SYNE3: variants seen among roughly 807,000 people sequenced by gnomAD.
SYNE3 encodes spectrin repeat containing nuclear envelope family member 3.
SYNE3 carries 100 observed loss-of-function variants against 111.2 expected under a neutral mutation model. That is an observed-to-expected ratio of 0.90 (90% CI 0.77 to 1.06). The LOEUF is 1.06. Ranked by LOEUF, SYNE3 falls within the 50% of genes least tolerant of loss-of-function variation. The probability of loss-of-function intolerance (pLI) is 0.00; values close to 1 mark genes in which losing one functional copy is unlikely to be tolerated. For missense variants in SYNE3, 1,160 were observed against 1,240.3 expected (o/e 0.94, Z 0.97); for synonymous variants, 547 against 533.9 (o/e 1.02, Z -0.34).
chr14:95,429,801 G>T, intron 17 of SYNE3: 1 of 388,276 alleles, frequency 2.6e-6, no homozygotes, highest in Non-Finnish European at 3.5e-6. Flanking sequence ...CACAAGTGGT[G>T]TGACCTTCAG....
rs549378735 is a variant in SYNE3 at position 95,447,511 on chromosome 14, T to C, written c.1450-1420A>G. Among the ~76,000 whole-genome samples, 5 of 152,218 alleles carry C rather than the reference T, an allele frequency of 3.3e-5. No homozygotes were observed. The South Asian group carries it at 1.0e-3, about 32-fold the overall frequency. ...CAAGGCAGAGGTGGACACTCCTGGT[T>C]GGGGAAATCGAGTACTACTTTGAAG... On this transcript the variant is annotated intron_variant, in intron 8 of 17. Transcript: ENST00000682763.
intron 6 of SYNE3, among the ~76,000 whole-genome samples, chr14:95,452,937 A>G (rs1336193843): frequency 6.6e-6 from 1 of 152,132 alleles, no homozygotes; most frequent in Non-Finnish European, 1.5e-5. Context: ...GACTATTCCT[A>G]AGCTGCTTCA....
intron 1 of SYNE3, among the ~76,000 whole-genome samples, chr14:95,501,916 A>C (rs187950513): frequency 6.1e-4 from 92 of 151,960 alleles, no homozygotes; most frequent in Admixed American, 6.0e-3. Flanking sequence ...GTCTTCACAG[A>C]CTCTTGCGGG....
chr14:95,507,291 C>G (rs954770049), intron 1 of SYNE3, among the ~76,000 whole-genome samples: 10 of 152,230 alleles, frequency 6.6e-5, no homozygotes, highest in African/African-American at 2.2e-4. Flanking sequence ...TAGTTCGTGT[C>G]CACCTCAGCC....
rs1886244634 is a variant in SYNE3 at position 95,438,863 on chromosome 14, A to G, written c.2376+170T>C. ...CTGAGGTCCTCTGTGGAGTAGGATC[A>G]AATGCTCTTTGGCCACAGCTGGGGC... On this transcript the variant is annotated intron_variant, in intron 14 of 17. Transcript: ENST00000682763. 9 of 917,630 alleles carry G rather than the reference A, an allele frequency of 9.8e-6. No homozygotes were observed. The South Asian group carries it at 1.3e-4, about 13-fold the overall frequency. 56.8% of individuals were successfully genotyped at this position (917,630 alleles called of 1,614,324 possible). A position where few individuals can be genotyped will look rare whatever the true frequency, so the allele number is the denominator to read the frequency against.
intron 17 of SYNE3, among the ~76,000 whole-genome samples, chr14:95,424,484 C>A (rs77669861): frequency 0.017 from 2,655 of 152,310 alleles, 35 homozygotes; most frequent in Non-Finnish European, 0.027. Flanking sequence ...TGCCTCTACC[C>A]AGCCCCTACA....
chr14:95,508,059 G>A (rs535407803), intron 1 of SYNE3, among the ~76,000 whole-genome samples: 46 of 152,312 alleles, frequency 3.0e-4, no homozygotes, highest in African/African-American at 9.6e-4. Flanking sequence ...ACCACTTCCA[G>A]CCCACAGCAC....
chr14:95,439,866 T>C (rs1190092869), intron 12 of SYNE3, 48 bp downstream of exon 12: 1 of 1,594,558 alleles, frequency 6.3e-7, no homozygotes, highest in Non-Finnish European at 8.6e-7. Flanking sequence ...AACGTTGGCC[T>C]GTCAAGGCTG....
intron 17 of SYNE3, among the ~76,000 whole-genome samples, chr14:95,426,679 A>G (rs1189726101): frequency 2.0e-5 from 3 of 152,044 alleles, no homozygotes; most frequent in Non-Finnish European, 4.4e-5. Context: ...AAATATATAT[A>G]ATAAGAATAG....
chr14:95,428,760 C>T (rs576402408), intron 17 of SYNE3, among the ~76,000 whole-genome samples: 1 of 152,322 alleles, frequency 6.6e-6, no homozygotes, highest in South Asian at 2.1e-4. Flanking sequence ...AACACACCCG[C>T]AGCAGTGAGT....
At chr14:95,422,058 C>G (rs193020578) in intron 17 of SYNE3, among the ~76,000 whole-genome samples, 2 of 152,308 alleles carry the variant, frequency 1.3e-5, no homozygotes, top group Admixed American at 1.3e-4. Flanking sequence ...TTATGCTTTA[C>G]CGTATCCTCA....
At chr14:95,439,859 G>A (rs527643954) in intron 12 of SYNE3, 55 bp downstream of exon 12, 10 of 1,593,162 alleles carry the variant, frequency 6.3e-6, no homozygotes, top group East Asian at 2.2e-5. Context: ...GTGTGGGAAC[G>A]TTGGCCTGTC....
At chr14:95,496,006 A>G (rs553607744) in intron 1 of SYNE3, among the ~76,000 whole-genome samples, 1 of 152,184 alleles carries the variant, frequency 6.6e-6, no homozygotes, top group South Asian at 2.1e-4. Context: ...CGGCTCCAAA[A>G]CCCAGGTCTC....
At chr14:95,442,255 C>T (rs1166947661) in intron 11 of SYNE3, among the ~76,000 whole-genome samples, 1 of 152,320 alleles carries the variant, frequency 6.6e-6, no homozygotes, top group Middle Eastern at 3.4e-3. Flanking sequence ...AGGGAGGGCA[C>T]GTTCTGACCA....
Position 95,457,240 on chromosome 14 carries a change from C to T in SYNE3, c.726G>A (p.Lys242=), listed in dbSNP as rs759287666. ...AGTTCCGCCCCAGGCAGCCATTCAC[C>T]TTCTCCACCACCGCCTTCAGCCACA... ...FQLWLKAVVE[K]VNGCLGRNCK... Residue 242 remains lysine, a synonymous_variant, in exon 5 of 18, where the codon AAG becomes AAA. Transcript: ENST00000682763. 1 of 1,614,166 alleles carries T rather than the reference C, an allele frequency of 6.2e-7. No individual in the cohort carries two copies. Among genetic ancestry groups the T allele is most frequent in the Non-Finnish European group, 8.5e-7 (1 of 1,180,036 alleles).
Position 95,422,977 on chromosome 14 carries a change from C to T in SYNE3, c.2728-4951G>A, listed in dbSNP as rs1292020066. ...ACTTCTGACTTGGATGTTGTCTTTG[C>T]TAAGTTCTGGGCACCAGAAGCACTG... On this transcript the variant is annotated intron_variant, in intron 17 of 17. Transcript: ENST00000682763. Among the ~76,000 whole-genome samples, 3 of 152,198 alleles carry T rather than the reference C, an allele frequency of 2.0e-5. No individual in the cohort carries two copies. In the East Asian group the frequency reaches 5.8e-4, roughly 29 times the overall value.
At chr14:95,437,445 C>G (rs1405633056) in intron 14 of SYNE3, among the ~76,000 whole-genome samples, 1 of 152,178 alleles carries the variant, frequency 6.6e-6, no homozygotes, top group Non-Finnish European at 1.5e-5. Context: ...GTGTCTTGGC[C>G]CCTCAAACTG....
chr14:95,452,840 G>C (rs111333788), intron 6 of SYNE3, among the ~76,000 whole-genome samples: 2,453 of 152,292 alleles, frequency 0.016, 45 homozygotes, highest in Middle Eastern at 0.065. Context: ...TGGTGGACCG[G>C]ACATCAGAGC....
At chr14:95,439,558 A>C in intron 13 of SYNE3, 54 bp downstream of exon 13, 1 of 1,594,202 alleles carries the variant, frequency 6.3e-7, no homozygotes. Flanking sequence ...AGTGTCCCTG[A>C]GTGAGAAGGG....
Sources: allele counts gnomAD v4.1 joint callset (sites outside exome capture counted in the v4.1 genomes callset), GRCh38; gene constraint gnomAD v4.1.1; transcripts MANE v1.5; gene names NCBI Gene and HGNC (gene_info 2026-07-23, HGNC 2026-07-21).